Variants in PTPRG observed in about 807,000 individuals in gnomAD.
PTPRG encodes the protein protein tyrosine phosphatase receptor type G.
Under a neutral mutation model 165.3 loss-of-function variants are expected in PTPRG, and 102 were observed. That is an observed-to-expected ratio of 0.62 (90% CI 0.53 to 0.73). The LOEUF is 0.73. PTPRG is among the 30% of genes least tolerant of loss of function. The probability of loss-of-function intolerance (pLI) is 0.00; values close to 1 mark genes in which losing one functional copy is unlikely to be tolerated. For synonymous variants in PTPRG, 675 were observed against 669.5 expected (o/e 1.01, Z -0.13); for missense variants, 1,866 against 1,861.4 (o/e 1.00, Z -0.05).
At chr3:61,570,449 G>A (rs1430575030) in intron 1 of PTPRG, among the ~76,000 whole-genome samples, 1 of 152,180 alleles carries the variant, frequency 6.6e-6, no homozygotes, top group East Asian at 1.9e-4. Flanking sequence ...TTCCATGTAA[G>A]AAAATAGGAC....
intron 2 of PTPRG, among the ~76,000 whole-genome samples, chr3:61,928,245 T>C (rs780790967): frequency 6.6e-6 from 1 of 152,194 alleles, no homozygotes; most frequent in Non-Finnish European, 1.5e-5. Context: ...GTTGGGAACA[T>C]GCCCAAGAAA....
chr3:61,649,455 C>T (rs1458957610), intron 1 of PTPRG, among the ~76,000 whole-genome samples: 3 of 152,140 alleles, frequency 2.0e-5, no homozygotes, highest in African/African-American at 7.2e-5. Context: ...ATTGATGCAT[C>T]CTCTAAGGAA....
intron 2 of PTPRG, among the ~76,000 whole-genome samples, chr3:61,751,859 G>A (rs182455897): frequency 1.6e-4 from 25 of 152,118 alleles, no homozygotes; most frequent in East Asian, 1.6e-3. Flanking sequence ...CAGGCGTAGC[G>A]GTGGGCGCCT....
intron 2 of PTPRG, among the ~76,000 whole-genome samples, chr3:61,886,842 G>A (rs1198239357): frequency 6.7e-6 from 1 of 149,966 alleles, no homozygotes; most frequent in Non-Finnish European, 1.5e-5. Flanking sequence ...TTGATTACAT[G>A]TTTGCTTCAT....
chr3:61,677,501 G>A (rs1261237881), intron 1 of PTPRG, among the ~76,000 whole-genome samples: 1 of 152,154 alleles, frequency 6.6e-6, no homozygotes, highest in Admixed American at 6.5e-5. Context: ...TCAGTGGCTT[G>A]GATCACGATC....
chr3:62,243,167 G>T (rs948088571), intron 14 of PTPRG, among the ~76,000 whole-genome samples: 1 of 151,966 alleles, frequency 6.6e-6, no homozygotes, highest in African/African-American at 2.4e-5. Context: ...ATGATGACCA[G>T]TGTGTGCTCT....
intron 6 of PTPRG, among the ~76,000 whole-genome samples, chr3:62,143,815 G>A (rs1419884938): frequency 1.3e-5 from 2 of 152,138 alleles, no homozygotes; most frequent in Admixed American, 6.5e-5. Context: ...TCCAGTTTGG[G>A]AGCTGTGTGA....
Position 62,203,331 on chromosome 3 carries a change from C to A in PTPRG, c.1536C>A (p.Thr512=). Residue 512 remains threonine, a synonymous_variant, in exon 12 of 30, where the codon ACC becomes ACA. Transcript: ENST00000474889. The surrounding 1 kb of genome is among the most constrained non-coding windows in gnomAD (Gnocchi z 6.4). ...AGGCCACAGTGGCCTCGGTGGTCAC[C>A]AGCACGCTGCTCGCCGGCCTGGGGT... The part of the protein sequence containing the change: ...GSQATVASVV[T]STLLAGLGFG... The A allele has an allele frequency of 6.2e-7, 1 of 1,613,822 alleles. No homozygotes were observed. The highest frequency in any genetic ancestry group is 8.5e-7 in the Non-Finnish European group (1 of 1,179,962).
At chr3:61,722,739 CTG>C (rs2032103563) in intron 1 of PTPRG, among the ~76,000 whole-genome samples, 2 of 152,064 alleles carry the variant, frequency 1.3e-5, no homozygotes, top group African/African-American at 4.8e-5. Context: ...TATGTTATGT[CTG>C]TTTATTTTGG....
intron 2 of PTPRG, among the ~76,000 whole-genome samples, chr3:61,797,051 T>A (rs2035068556): frequency 6.6e-6 from 1 of 152,218 alleles, no homozygotes; most frequent in Admixed American, 6.5e-5. Flanking sequence ...GTAGAGCAGC[T>A]CCTGGTTTTG....
intron 1 of PTPRG, among the ~76,000 whole-genome samples, chr3:61,563,137 G>A (rs1177372110): frequency 6.7e-6 from 1 of 149,708 alleles, no homozygotes; most frequent in East Asian, 2.0e-4. Context: ...CGGGGAGGGG[G>A]CGGGGGCGGT....
intron 4 of PTPRG, among the ~76,000 whole-genome samples, chr3:62,043,040 T>G (rs963345185): frequency 1.4e-4 from 21 of 152,192 alleles, no homozygotes; most frequent in Non-Finnish European, 2.4e-4. Context: ...TTTTTTTTAT[T>G]AAGTGACGTG....
Position 62,010,282 on chromosome 3 carries a change from G to A in PTPRG, c.519+6785G>A, listed in dbSNP as rs183856590. On this transcript the variant is annotated intron_variant, in intron 4 of 29. Coordinates refer to ENST00000474889, the MANE Select transcript of PTPRG (RefSeq NM_002841.4). ...TTATTTGTACATTGGCATATTAAGG[G>A]CTTTGAAGAGTCCTCCGCTGAAGAA... Among the ~76,000 whole-genome samples, 187 of 152,140 alleles carry A rather than the reference G, an allele frequency of 1.2e-3. 1 individual carries two copies. The highest frequency in any genetic ancestry group is 4.2e-3 in the African/African-American group (176 of 41,498).
chr3:62,118,844 A>G (rs1702957360), intron 5 of PTPRG, among the ~76,000 whole-genome samples: 1 of 152,176 alleles, frequency 6.6e-6, no homozygotes, highest in Admixed American at 6.5e-5. Context: ...CACAGCCAAG[A>G]CTTGGATCAC....
intron 12 of PTPRG, among the ~76,000 whole-genome samples, chr3:62,209,014 C>T (rs1487323062): frequency 6.6e-6 from 1 of 152,220 alleles, no homozygotes; most frequent in East Asian, 1.9e-4. Flanking sequence ...CCAGGGGGAT[C>T]TTCCCCATGT....
At chr3:62,289,733 T>C (rs955536695) in intron 28 of PTPRG, among the ~76,000 whole-genome samples, 33 of 108,554 alleles carry the variant, frequency 3.0e-4, no homozygotes, top group Non-Finnish European at 1.2e-4. Flanking sequence ...AGAGTAAAAA[T>C]AGAAAGCATC....
At chr3:62,138,676 G>A (rs1348648436) in intron 6 of PTPRG, among the ~76,000 whole-genome samples, 1 of 126,496 alleles carries the variant, frequency 7.9e-6, no homozygotes, top group Non-Finnish European at 1.6e-5. Context: ...CTGAGGCTGC[G>A]CCATTGTACT....
intron 2 of PTPRG, among the ~76,000 whole-genome samples, chr3:61,865,738 T>C (rs1416941884): frequency 2.0e-5 from 3 of 152,150 alleles, no homozygotes; most frequent in Non-Finnish European, 4.4e-5. Flanking sequence ...CATAAATAAC[T>C]TCAGATTTCC....
intron 2 of PTPRG, among the ~76,000 whole-genome samples, chr3:61,960,321 T>C (rs1291377623): frequency 6.7e-6 from 1 of 149,910 alleles, no homozygotes; most frequent in Admixed American, 6.6e-5. Flanking sequence ...TGGCATGGCC[T>C]CTTCTTCTTG....
Sources: allele counts gnomAD v4.1 joint callset (sites outside exome capture counted in the v4.1 genomes callset), GRCh38; gene constraint gnomAD v4.1.1; non-coding constraint Gnocchi (gnomAD v3.1); transcripts MANE v1.5; gene names NCBI Gene and HGNC (gene_info 2026-07-23, HGNC 2026-07-21).